The following FAM20B variants were observed in gnomAD, a reference collection of about 807,000 sequenced individuals.
FAM20B encodes the protein FAM20B glycosaminoglycan xylosylkinase, also known as glycosaminoglycan xylosylkinase.
FAM20B carries 23 observed loss-of-function variants against 43.8 expected under a neutral mutation model. That is an observed-to-expected ratio of 0.53 (90% confidence interval 0.38 to 0.74). The LOEUF is 0.74. Among genes scored for constraint, FAM20B ranks in the 30% least tolerant of loss-of-function variants. The probability of loss-of-function intolerance (pLI) is 0.00; values close to 1 mark genes in which losing one functional copy is unlikely to be tolerated. For missense variants in FAM20B, 440 were observed against 510.5 expected, an observed-to-expected ratio of 0.86 and a Z score of 1.33; for synonymous variants, 178 against 192.4, an observed-to-expected ratio of 0.93 and a Z score of 0.62.
In FAM20B at chr1:179,069,560, T is replaced by G. The variant is rs573824733; in HGVS notation, c.999-2353T>G. On this transcript the variant is annotated intron_variant, in intron 7 of 7. Transcript: ENST00000263733. The stretch of plus-strand genomic sequence containing the variant: ...TAATTTTTTGTATTTTTAGTAGAGA[T>G]AGGGTTTCAACATGTTGGTGGGGCT... Among the ~76,000 whole-genome samples the G allele has an allele frequency of 5.3e-5, 8 of 151,962 alleles. 1 individual carries two copies. In the South Asian group the frequency reaches 1.7e-3, roughly 32 times the overall value.
chr1:179,033,473 A>G (rs987486066), intron 1 of FAM20B, among the ~76,000 whole-genome samples: 2 of 152,134 alleles, frequency 1.3e-5, no homozygotes, highest in East Asian at 1.9e-4. Flanking sequence ...TATCAAACCA[A>G]TTTTTATTTG....
At chr1:179,030,396 C>T (rs1224570830) in intron 1 of FAM20B, among the ~76,000 whole-genome samples, 1 of 152,094 alleles carries the variant, frequency 6.6e-6, no homozygotes, top group African/African-American at 2.4e-5. Flanking sequence ...TGATTTCAGC[C>T]CTGTCTTGTA....
intron 1 of FAM20B, among the ~76,000 whole-genome samples, chr1:179,034,816 C>T (rs1650152376): frequency 6.6e-6 from 1 of 152,198 alleles, no homozygotes; most frequent in African/African-American, 2.4e-5. Context: ...AGCATTCTTA[C>T]TAAGCATTTC....
intron 1 of FAM20B, among the ~76,000 whole-genome samples, chr1:179,041,126 C>T (rs1046386930): frequency 7.7e-6 from 1 of 129,814 alleles, no homozygotes; most frequent in Admixed American, 7.2e-5. Context: ...CTCCTCACTT[C>T]CTAGATGGGA....
intron 4 of FAM20B, among the ~76,000 whole-genome samples, chr1:179,058,905 G>A (rs545747269): frequency 9.8e-5 from 15 of 152,320 alleles, no homozygotes; most frequent in Non-Finnish European, 2.1e-4. Flanking sequence ...TGACTCCTAG[G>A]TTTCTGGATT....
At chr1:179,039,775 T>G (rs12064695) in intron 1 of FAM20B, among the ~76,000 whole-genome samples, 1 of 151,660 alleles carries the variant, frequency 6.6e-6, no homozygotes, top group Non-Finnish European at 1.5e-5. Flanking sequence ...GGGTGTTTCT[T>G]GCAGAGGGGG....
chr1:179,045,939 T>C (rs918582616), intron 2 of FAM20B, among the ~76,000 whole-genome samples: 4 of 151,854 alleles, frequency 2.6e-5, no homozygotes, highest in African/African-American at 9.7e-5. Context: ...TATGTGGGCC[T>C]GGGATCTAAT....
chr1:179,055,657 C>T (rs2102512133), intron 4 of FAM20B, among the ~76,000 whole-genome samples: 1 of 151,790 alleles, frequency 6.6e-6, no homozygotes, highest in South Asian at 2.1e-4. Flanking sequence ...GGGAAAGAGT[C>T]CAAGAAGAAG....
rs1450081097 is a variant in FAM20B at position 179,071,919 on chromosome 1, G to C, written c.1005G>C (p.Arg335=). Residue 335 remains arginine (R), a synonymous_variant, in exon 8 of 8, where the codon CGG becomes CGC. Coordinates refer to ENST00000263733, the MANE Select transcript of FAM20B (RefSeq NM_014864.4). ...CTATAACTTTTTCTCCCAGCATTCG[G>C]GTGTCCACCTGGAACAGACTGAACT... ...LAPLYQCCII[R]VSTWNRLNYL... The C allele has an allele frequency of 1.2e-6, 2 of 1,611,274 alleles. No homozygotes were observed. Among genetic ancestry groups the C allele is most frequent in the South Asian group, 2.2e-5 (2 of 90,870 alleles).
intron 1 of FAM20B, among the ~76,000 whole-genome samples, chr1:179,033,342 T>A (rs1439149248): frequency 6.6e-6 from 1 of 152,214 alleles, no homozygotes; most frequent in Non-Finnish European, 1.5e-5. Flanking sequence ...CTTTGTTAAT[T>A]ATGTATCTTT....
At chr1:179,023,757 C>A (rs979211851), upstream of FAM20B, among the ~76,000 whole-genome samples, 20 of 152,188 alleles carry the variant, frequency 1.3e-4, no homozygotes, top group African/African-American at 4.8e-4. Context: ...CACCTCAATA[C>A]CAGCCCACAC....
intron 1 of FAM20B, among the ~76,000 whole-genome samples, chr1:179,040,979 GC>G (rs1216572049): frequency 4.7e-5 from 7 of 149,662 alleles, no homozygotes; most frequent in African/African-American, 7.4e-5. Context: ...CCCAGACGGG[GC>G]CGGCGGGCAG....
In FAM20B at chr1:179,058,836, A is replaced by G. The variant is rs147079216; in HGVS notation, c.574+4198A>G. Among the ~76,000 whole-genome samples the G allele has an allele frequency of 2.3e-3, 351 of 152,300 alleles. 2 individuals carry two copies. Among genetic ancestry groups the G allele is most frequent in the African/African-American group, 8.0e-3 (334 of 41,562 alleles). On this transcript the variant is annotated intron_variant, in intron 4 of 7. Transcript: ENST00000263733. ...AGGGCTATTCAAGAGTTGGAATGGA[A>G]AGAATTTGGTGAACATTTGGGCTGG...
At chr1:179,017,345 G>T in the FAM20B span, among the ~76,000 whole-genome samples, 1 of 152,234 alleles carries the variant, frequency 6.6e-6, no homozygotes, top group East Asian at 1.9e-4. Flanking sequence ...GCTCCTGTTG[G>T]TTTCAACTCA....
intron 4 of FAM20B, among the ~76,000 whole-genome samples, chr1:179,059,784 C>G (rs946923645): frequency 6.6e-6 from 1 of 151,898 alleles, no homozygotes. Context: ...CCAGCCTGGC[C>G]AACATGATGA....
intron 1 of FAM20B, among the ~76,000 whole-genome samples, chr1:179,036,896 G>T (rs1392813002): frequency 6.6e-6 from 1 of 152,192 alleles, no homozygotes; most frequent in Admixed American, 6.5e-5. Context: ...AGGAGGCTCA[G>T]ACTTTATCAG....
chr1:179,072,454 G>A lies in FAM20B; in HGVS notation c.*310G>A, dbSNP rs1019442440. The A allele has an allele frequency of 1.2e-4, 39 of 325,764 alleles. No individual in the cohort carries two copies. The highest frequency in any genetic ancestry group is 7.7e-4 in the African/African-American group (37 of 47,774). 20.2% of individuals were successfully genotyped at this position (325,764 alleles called of 1,614,324 possible). ...GACAAACAGGTGTGACATTTGGATA[G>A]ATGAATACTGGGATTGGCTCTGGAG... On this transcript the variant is annotated 3_prime_UTR_variant, in exon 8 of 8. Coordinates refer to ENST00000263733, the MANE Select transcript of FAM20B (RefSeq NM_014864.4).
At chr1:179,057,219 C>T (rs1050997814) in intron 4 of FAM20B, among the ~76,000 whole-genome samples, 2 of 152,078 alleles carry the variant, frequency 1.3e-5, no homozygotes, top group African/African-American at 4.8e-5. Context: ...GTGGCACACA[C>T]CTGTAATCAC....
At chr1:179,066,436 G>T (rs1462599773) in intron 6 of FAM20B, among the ~76,000 whole-genome samples, 1 of 151,958 alleles carries the variant, frequency 6.6e-6, no homozygotes, top group East Asian at 1.9e-4. Flanking sequence ...TAATATAAAT[G>T]GCTTTTATTT....
Sources: gnomAD v4.1 joint callset for allele counts (sites outside exome capture counted in the v4.1 genomes callset) on GRCh38, gnomAD v4.1.1 for gene constraint, MANE v1.5 for transcripts, NCBI Gene and HGNC (gene_info 2026-07-23, HGNC 2026-07-21) for gene names.